The following FHIP1A variants were observed in gnomAD, a reference collection of about 807,000 sequenced individuals.
The protein encoded by FHIP1A is FHF complex subunit HOOK-interacting protein 1A.
In FHIP1A, 61 loss-of-function variants were observed where a neutral mutation model predicts 88.6. The observed-to-expected ratio is 0.69, with a 90% CI of 0.56 to 0.85. The LOEUF is 0.85. Ranked by LOEUF, FHIP1A falls within the 40% of genes least tolerant of loss-of-function variation. The probability of loss-of-function intolerance (pLI) is 0.00; values close to 1 mark genes in which losing one functional copy is unlikely to be tolerated. For missense variants in FHIP1A, 1,154 were observed against 1,273.5 expected, an observed-to-expected ratio of 0.91 and a Z score of 1.43; for synonymous variants, 478 against 496.0, an observed-to-expected ratio of 0.96 and a Z score of 0.48.
At chr4:151,461,934 G>A (rs1729155208) in intron 2 of FHIP1A, among the ~76,000 whole-genome samples, 4 of 152,186 alleles carry the variant, frequency 2.6e-5, no homozygotes, top group Admixed American at 2.6e-4. Flanking sequence ...AGGCTGAGGT[G>A]GGAGGATTGT....
intron 5 of FHIP1A, among the ~76,000 whole-genome samples, chr4:151,586,129 G>T (rs1224689400): frequency 6.6e-6 from 1 of 152,110 alleles, no homozygotes; most frequent in East Asian, 1.9e-4. Flanking sequence ...GCAAGGAATT[G>T]CATGGAATCT....
At chr4:151,545,081 A>G (rs1381960450) in intron 3 of FHIP1A, among the ~76,000 whole-genome samples, 2 of 152,196 alleles carry the variant, frequency 1.3e-5, no homozygotes, top group Non-Finnish European at 2.9e-5. Context: ...TCTAAAAACA[A>G]AAAGTGTGGA....
rs1734950677 is a variant in FHIP1A, at chr4:151,603,374, T to C, written c.978+14448T>C. On this transcript the variant is annotated intron_variant, in intron 7 of 13. Transcript: ENST00000435205. ...ATTAACAACCCCTGGGGCTTCTGACTCCCTGGACCCGGGTTTCCTCTTTTC... is the reference window on the plus strand; with the variant it reads ...ATTAACAACCCCTGGGGCTTCTGACCCCCTGGACCCGGGTTTCCTCTTTTC... Among the ~76,000 whole-genome samples, 3 of 152,002 alleles carry C rather than the reference T, an allele frequency of 2.0e-5. No individual in the cohort carries two copies. In the South Asian group the frequency reaches 6.2e-4, roughly 32 times the overall value.
At chr4:151,507,309 T>C (rs1484346234) in intron 3 of FHIP1A, among the ~76,000 whole-genome samples, 2 of 152,086 alleles carry the variant, frequency 1.3e-5, no homozygotes, top group African/African-American at 4.8e-5. Context: ...TTTTTTGTAG[T>C]GATGGGGTCT....
chr4:151,556,043 A>G (rs1732934696), intron 3 of FHIP1A, among the ~76,000 whole-genome samples: 1 of 152,140 alleles, frequency 6.6e-6, no homozygotes, highest in Non-Finnish European at 1.5e-5. Flanking sequence ...TTCTCTCAGT[A>G]AACAATGTAT....
intron 3 of FHIP1A, among the ~76,000 whole-genome samples, chr4:151,536,659 G>C (rs1161662618): frequency 6.6e-6 from 1 of 152,146 alleles, no homozygotes; most frequent in Non-Finnish European, 1.5e-5. Flanking sequence ...TTATTGCTGA[G>C]TGGTATTTCA....
At chr4:151,646,157 T>C (rs552932130) in intron 9 of FHIP1A, among the ~76,000 whole-genome samples, 1 of 152,242 alleles carries the variant, frequency 6.6e-6, no homozygotes, top group South Asian at 2.1e-4. Context: ...CCCATGAGCA[T>C]AGTGGAGGGA....
intron 2 of FHIP1A, among the ~76,000 whole-genome samples, chr4:151,472,622 GT>G (rs5862961): frequency 0.38 from 50,063 of 131,228 alleles, 8,301 homozygotes; most frequent in Non-Finnish European, 0.41. Flanking sequence ...TTGCCTTGCT[GT>G]TTTTTTTTTT....
intron 3 of FHIP1A, among the ~76,000 whole-genome samples, chr4:151,496,522 C>T (rs75924866): frequency 0.013 from 1,948 of 151,688 alleles, 23 homozygotes; most frequent in Middle Eastern, 0.024. Context: ...ATTCACAGAC[C>T]CTATAGTCAG....
chr4:151,470,516 G>T (rs1164705219), intron 2 of FHIP1A, among the ~76,000 whole-genome samples: 6 of 152,162 alleles, frequency 3.9e-5, no homozygotes, highest in African/African-American at 1.4e-4. Flanking sequence ...TATTAGTGGA[G>T]TGTGGGTGGT....
intron 3 of FHIP1A, among the ~76,000 whole-genome samples, chr4:151,538,532 AGGAAT>A (rs1355961213): frequency 2.6e-5 from 4 of 152,320 alleles, no homozygotes; most frequent in African/African-American, 9.6e-5. Flanking sequence ...CATGGTTCTT[AGGAAT>A]GCTAAAGTTT....
chr4:151,533,285 A>G (rs1436281383), intron 3 of FHIP1A, among the ~76,000 whole-genome samples: 3 of 152,098 alleles, frequency 2.0e-5, no homozygotes, highest in East Asian at 1.9e-4. Flanking sequence ...GGTCCCAGCT[A>G]CTGGGCTGGT....
At chr4:151,478,188 C>G (rs1449291093) in intron 2 of FHIP1A, among the ~76,000 whole-genome samples, 1 of 152,020 alleles carries the variant, frequency 6.6e-6, no homozygotes, top group Non-Finnish European at 1.5e-5. Flanking sequence ...AAATCCACAC[C>G]AGTGAATTCT....
Position 151,409,783 on chromosome 4 carries a change from C to T in FHIP1A, c.-356+318C>T, listed in dbSNP as rs986115607. ...TGACGAAGGAATATGTCATTAGGGC[C>T]CTCCATCCCATTCCTTGGTCCCAGG... On this transcript the variant is annotated intron_variant, in intron 1 of 13. Coordinates refer to ENST00000435205, the MANE Select transcript of FHIP1A (RefSeq NM_001109977.3). Among the ~76,000 whole-genome samples the T allele has an allele frequency of 1.2e-4, 19 of 152,034 alleles. 1 individual carries two copies. The highest frequency in any genetic ancestry group is 7.2e-4 in the Admixed American group (11 of 15,264).
chr4:151,649,977 A>G lies in FHIP1A; in HGVS notation c.1936A>G (p.Arg646Gly). 1.3e-6 allele frequency: 2 copies of G among 1,551,632 alleles called. No individual in the cohort carries two copies. Among genetic ancestry groups the G allele is most frequent in the Non-Finnish European group, 1.7e-6 (2 of 1,146,966 alleles). ...SDFQDDVMVYRLCAEKDSEDM... is the reference protein window; with the variant it reads ...SDFQDDVMVYGLCAEKDSEDM... The stretch of plus-strand genomic sequence containing the variant: ...CTTTCAGGATGATGTGATGGTGTAC[A>G]GGCTGTGTGCTGAGAAGGACTCCGA... The change falls in exon 11 of 14, where the codon AGG (arginine) becomes GGG (glycine). Residue 646 changes from arginine (R) to glycine (G), a missense_variant. Transcript: ENST00000435205.
intron 2 of FHIP1A, among the ~76,000 whole-genome samples, chr4:151,468,655 G>T (rs1729408841): frequency 6.6e-6 from 1 of 152,142 alleles, no homozygotes; most frequent in African/African-American, 2.4e-5. Context: ...GTAGCCACTG[G>T]ATGTGTATGT....
At chr4:151,593,120 A>G (rs1335279138) in intron 7 of FHIP1A, among the ~76,000 whole-genome samples, 3 of 152,160 alleles carry the variant, frequency 2.0e-5, no homozygotes, top group South Asian at 2.1e-4. Context: ...CCGCTGGTCT[A>G]TATATCTGTT....
At chr4:151,485,302 T>G (rs984159877) in intron 3 of FHIP1A, among the ~76,000 whole-genome samples, 1 of 118,198 alleles carries the variant, frequency 8.5e-6, no homozygotes, top group Admixed American at 8.3e-5. Flanking sequence ...TTTTTTTTTT[T>G]GTCTGTTCTA....
In FHIP1A at chr4:151,577,709, A is replaced by T; in HGVS notation, c.365A>T (p.Tyr122Phe). Reference sequence around the variant, plus strand: ...ACTAAAATTGAGCAGCTAAAGATGTATGAGATGTTGGTCACCCAGTCGCAC... The same window carrying T: ...ACTAAAATTGAGCAGCTAAAGATGTTTGAGATGTTGGTCACCCAGTCGCAC... The part of the protein sequence containing the change: ...DETKIEQLKM[Y>F]EMLVTQSHQP... The change falls in exon 5 of 14, where the codon TAT becomes TTT. Residue 122 changes from tyrosine to phenylalanine, a missense_variant. By Grantham distance (22) the Tyr-to-Phe change is conservative. Coordinates refer to ENST00000435205, the MANE Select transcript of FHIP1A (RefSeq NM_001109977.3). 1.3e-6 allele frequency: 2 copies of T among 1,551,688 alleles called. No homozygotes were observed. Among genetic ancestry groups the T allele is most frequent in the South Asian group, 2.4e-5 (2 of 84,052 alleles).
Sources: gnomAD v4.1 joint callset for allele counts (sites outside exome capture counted in the v4.1 genomes callset) on GRCh38, gnomAD v4.1.1 for gene constraint, MANE v1.5 for transcripts, NCBI Gene and HGNC (gene_info 2026-07-23, HGNC 2026-07-21) for gene names.